Variants in PCDHA4 observed in about 807,000 individuals in gnomAD.
PCDHA4 encodes the protein protocadherin alpha-4.
Under a neutral mutation model 61.4 loss-of-function variants are expected in PCDHA4, and 49 were observed. That is an observed-to-expected ratio of 0.80 (90% CI 0.63 to 1.01). The LOEUF (loss-of-function observed/expected upper bound fraction) is 1.01. PCDHA4 is among the 50% of genes least tolerant of loss of function. PCDHA4 has a pLI of 0.00. For synonymous variants in PCDHA4, 590 were observed against 550.3 expected (o/e 1.07, Z -1.01); for missense variants, 1,254 against 1,235.8 (o/e 1.01, Z -0.22).
chr5:140,882,566 G>A, intron 1 of PCDHA4: 1 of 1,614,252 alleles, frequency 6.2e-7, no homozygotes, highest in Non-Finnish European at 8.5e-7. Context: ...TGGGCGGAGC[G>A]CGGAGTGCAG....
At chr5:140,927,818 A>C (rs1554205106) in intron 1 of PCDHA4, 1 of 1,614,190 alleles carries the variant, frequency 6.2e-7, no homozygotes, top group Admixed American at 1.7e-5. Flanking sequence ...TTGGAGGCAT[A>C]CATTGAGGCG....
chr5:140,968,734 C>T, intron 1 of PCDHA4: 1 of 1,614,162 alleles, frequency 6.2e-7, no homozygotes, highest in Non-Finnish European at 8.5e-7. Flanking sequence ...GTAGCACTTT[C>T]AACCTGACCG....
intron 1 of PCDHA4, chr5:140,926,870 G>A: frequency 6.6e-7 from 1 of 1,524,514 alleles, no homozygotes; most frequent in South Asian, 1.3e-5. Context: ...CGTGTTGGTG[G>A]AACGTGGACG....
At chr5:140,823,365 G>A (rs2150125065) in intron 1 of PCDHA4, 4 of 1,612,764 alleles carry the variant, frequency 2.5e-6, no homozygotes, top group East Asian at 2.2e-5. Context: ...TGGAGCTGCT[G>A]CAGTTCCAGG....
chr5:140,809,562 C>A lies in PCDHA4; in HGVS notation c.2375C>A (p.Ser792Tyr), dbSNP rs781790264. Residue 792 changes from serine to tyrosine, a missense_variant, in exon 1 of 4, where the codon TCC becomes TAC. Physicochemically the swap from Ser to Tyr is moderately radical, Grantham distance 144 (BLOSUM62 -2). Coordinates refer to ENST00000530339, the MANE Select transcript of PCDHA4 (RefSeq NM_018907.4). ...REDQLQTTEESFAKPRQPNPD... is the reference protein window; with the variant it reads ...REDQLQTTEEYFAKPRQPNPD... ...GATCAGCTGCAGACAACTGAGGAAT[C>A]CTTTGCAAAGGTTAGTGTATAACAT... 4 of 1,608,188 alleles carry A rather than the reference C, an allele frequency of 2.5e-6. No homozygotes were observed. In the South Asian group the frequency reaches 3.3e-5, roughly 13 times the overall value.
chr5:141,009,820 CT>C lies in PCDHA4; in HGVS notation c.2729del (p.Phe910SerfsTer2). On this transcript the variant is annotated frameshift_variant, in exon 4 of 4. Transcript: ENST00000530339. LOFTEE classifies it high-confidence loss of function. ...CTAACAGCCAAATTGACAAAAGTGACTTCATAACCTTCGGCAAAAAGGAGGA... is the reference window on the plus strand; with the variant it reads ...CTAACAGCCAAATTGACAAAAGTGACTCATAACCTTCGGCAAAAAGGAGGA... ...PTNSQIDKSDFITFGKKEETK... is the reference protein window; with the variant it reads ...PTNSQIDKSDXITFGKKEETK... 6.2e-7 allele frequency: 1 copy of C among 1,613,960 alleles called. No individual in the cohort carries two copies. Among genetic ancestry groups the C allele is most frequent in the Non-Finnish European group, 8.5e-7 (1 of 1,179,996 alleles).
At chr5:140,813,358 CT>C (rs1554126173) in intron 1 of PCDHA4, 1 of 152,170 alleles carries the variant, frequency 6.6e-6, no homozygotes, top group Non-Finnish European at 1.5e-5. Flanking sequence ...ATAGTATAGC[CT>C]ACTACAGACC....
At chr5:140,849,816 G>A (rs2150451582) in intron 1 of PCDHA4, 4 of 1,598,578 alleles carry the variant, frequency 2.5e-6, no homozygotes, top group East Asian at 2.2e-5. Flanking sequence ...CACGGCCAGG[G>A]TGTCTGTGGA....
At chr5:140,966,569 G>A in intron 1 of PCDHA4, 1 of 500,346 alleles carries the variant, frequency 2.0e-6, no homozygotes, top group Non-Finnish European at 3.3e-6. Flanking sequence ...TGGAATATGG[G>A]GAGTCAGCGA....
intron 1 of PCDHA4, among the ~76,000 whole-genome samples, chr5:140,899,014 T>C (rs2067098044): frequency 6.6e-6 from 1 of 151,934 alleles, no homozygotes. Context: ...TGTATAAGAA[T>C]GCTTGTGATT....
chr5:140,898,462 CTTGT>C (rs2066755516), intron 1 of PCDHA4, among the ~76,000 whole-genome samples: 1 of 150,202 alleles, frequency 6.7e-6, no homozygotes, highest in South Asian at 2.1e-4. Flanking sequence ...TTCCCCATTG[CTTGT>C]TTTTCTCAGG....
intron 1 of PCDHA4, among the ~76,000 whole-genome samples, chr5:140,879,645 G>T (rs1392592069): frequency 2.0e-5 from 3 of 152,228 alleles, no homozygotes; most frequent in Non-Finnish European, 4.4e-5. Flanking sequence ...GCTTCCTGTG[G>T]CTGCTATAAC....
intron 1 of PCDHA4, chr5:140,835,445 C>T (rs2150235847): frequency 6.2e-7 from 1 of 1,613,864 alleles, no homozygotes; most frequent in South Asian, 1.1e-5. Flanking sequence ...CTCTCACTTC[C>T]CTGTCTCTCC....
At chr5:140,884,681 A>G (rs2060314464) in intron 1 of PCDHA4, 1 of 1,546,928 alleles carries the variant, frequency 6.5e-7, no homozygotes, top group Non-Finnish European at 8.7e-7. Flanking sequence ...ATATTTTAAA[A>G]AATTGTCTTA....
intron 1 of PCDHA4, chr5:140,858,528 T>A (rs2045469480): frequency 1.4e-6 from 2 of 1,404,940 alleles, no homozygotes; most frequent in South Asian, 2.5e-5. Context: ...AATATTTCAT[T>A]TTTGTCTACA....
At chr5:140,896,864 G>A (rs1223708211) in intron 1 of PCDHA4, among the ~76,000 whole-genome samples, 1 of 152,088 alleles carries the variant, frequency 6.6e-6, no homozygotes, top group Admixed American at 6.5e-5. Flanking sequence ...CATAATAAGT[G>A]TACATATTTA....
intron 1 of PCDHA4, chr5:140,877,061 T>A (rs2056822485): frequency 3.1e-6 from 5 of 1,612,978 alleles, no homozygotes; most frequent in African/African-American, 1.3e-5. Flanking sequence ...GAGCTGGAGC[T>A]GCTGCAGTTC....
intron 1 of PCDHA4, among the ~76,000 whole-genome samples, chr5:140,957,259 T>A (rs1554222896): frequency 6.6e-6 from 1 of 152,182 alleles, no homozygotes; most frequent in Admixed American, 6.5e-5. Context: ...TTTAAATATG[T>A]AAGCACTAGT....
chr5:140,815,976 A>G (rs1175653553), intron 1 of PCDHA4: 2 of 152,168 alleles, frequency 1.3e-5, no homozygotes, highest in Non-Finnish European at 2.9e-5. Context: ...TTTGTACGTG[A>G]TGAGGCATTT....
Sources: gnomAD v4.1 joint callset for allele counts (sites outside exome capture counted in the v4.1 genomes callset) on GRCh38, gnomAD v4.1.1 for gene constraint, MANE v1.5 for transcripts, NCBI Gene and HGNC (gene_info 2026-07-23, HGNC 2026-07-21) for gene names.